The following ORC4 variants were observed in gnomAD, a reference collection of about 807,000 sequenced individuals.
ORC4 encodes origin recognition complex subunit 4.
ORC4 carries 55 observed loss-of-function variants against 63.9 expected under a neutral mutation model. That is an observed-to-expected ratio of 0.86 (90% CI 0.69 to 1.08). The LOEUF (loss-of-function observed/expected upper bound fraction) is 1.08. Ranked by LOEUF, ORC4 falls within the 50% of genes least tolerant of loss-of-function variation. ORC4 has a pLI of 0.00. For missense variants in ORC4, 511 were observed against 504.4 expected, an observed-to-expected ratio of 1.01 and a Z score of -0.13; for synonymous variants, 150 against 168.5, an observed-to-expected ratio of 0.89 and a Z score of 0.85.
chr2:147,987,776 G>C (rs1238278532), intron 1 of ORC4, among the ~76,000 whole-genome samples: 1 of 152,112 alleles, frequency 6.6e-6, no homozygotes, highest in African/African-American at 2.4e-5. Context: ...ATTGTAGGCT[G>C]GGCACAGTGG....
chr2:147,948,780 G>A, intron 8 of ORC4, among the ~76,000 whole-genome samples: 1 of 151,118 alleles, frequency 6.6e-6, no homozygotes, highest in Non-Finnish European at 1.5e-5. Context: ...AAAACCAAAG[G>A]ATAACTAATA....
chr2:147,930,578 C>T lies in ORC4; in HGVS notation c.*4932G>A, dbSNP rs1277759436. 6.6e-6 allele frequency: 1 copy of T among 152,296 alleles called. No homozygotes were observed. The highest frequency in any genetic ancestry group is 1.5e-5 in the Non-Finnish European group (1 of 67,976). The allele number at this position is 152,296 out of a possible 1,614,324, so 9.4% of individuals were successfully genotyped here. On this transcript the variant is annotated 3_prime_UTR_variant, in exon 14 of 14. Coordinates refer to ENST00000392857, the MANE Select transcript of ORC4 (RefSeq NM_181741.4). The stretch of plus-strand genomic sequence containing the variant: ...TTTTTATGCAGTCTCAACCCATATC[C>T]CATTTGTTACCTCTCAGAATATTGG...
Position 148,016,301 on chromosome 2 carries a change from A to T in ORC4, c.-18+4332T>A, listed in dbSNP as rs114418647. Among the ~76,000 whole-genome samples the T allele has an allele frequency of 7.5e-3, 1,145 of 152,302 alleles. 9 individuals are homozygous for T. Among genetic ancestry groups the T allele is most frequent in the African/African-American group, 0.026 (1,065 of 41,558 alleles). ...TTCCCAAAGCCAAACTTGCACCAAA[A>T]AAGGCCATGGTAACTGTTTGCTGGT... On this transcript the variant is annotated intron_variant, in intron 1 of 13. Transcript: ENST00000392857.
At position 147,948,176 on chromosome 2, in the gene ORC4, G is replaced by A. The variant is rs769074529; in HGVS notation, c.637C>T (p.Arg213Trp). ...EKRVKSRFSHRQIHLMNSFGF... is the reference protein window; with the variant it reads ...EKRVKSRFSHWQIHLMNSFGF... ...AATGAATTCATTAAGTGTATCTGCC[G>A]GTGAGAAAATCTTGACTTCACTCTT... The change falls in exon 9 of 14, where the codon CGG becomes TGG. Residue 213 changes from arginine (R) to tryptophan (W), a missense_variant. Physicochemically the swap from Arg to Trp is moderately radical, Grantham distance 101. Coordinates refer to ENST00000392857, the MANE Select transcript of ORC4 (RefSeq NM_181741.4). 41 of 1,608,960 alleles carry A rather than the reference G, an allele frequency of 2.5e-5. 1 individual carries two copies. The highest frequency in any genetic ancestry group is 1.7e-4 in the South Asian group (15 of 90,444).
intron 1 of ORC4, among the ~76,000 whole-genome samples, chr2:148,006,643 C>T (rs1459706170): frequency 6.6e-6 from 1 of 152,174 alleles, no homozygotes; most frequent in African/African-American, 2.4e-5. Context: ...AGCTTTTGCT[C>T]CGGGATGGCA....
At chr2:148,008,481 TGTCA>T (rs1692755326) in intron 1 of ORC4, among the ~76,000 whole-genome samples, 1 of 152,216 alleles carries the variant, frequency 6.6e-6, no homozygotes, top group Non-Finnish European at 1.5e-5. Flanking sequence ...AGAATTAGTG[TGTCA>T]GTATGTTCAA....
At chr2:148,019,667 T>C (rs1432548098) in intron 1 of ORC4, among the ~76,000 whole-genome samples, 1 of 152,246 alleles carries the variant, frequency 6.6e-6, no homozygotes, top group African/African-American at 2.4e-5. Flanking sequence ...TTTTAGATTC[T>C]TGGTTTTTAA....
At chr2:147,950,786 G>GA (rs1491035673) in intron 8 of ORC4, among the ~76,000 whole-genome samples, 1 of 142,948 alleles carries the variant, frequency 7.0e-6, no homozygotes, top group Non-Finnish European at 1.5e-5. Context: ...AAAAGAAAAA[G>GA]AAAAAAAATT....
chr2:147,950,889 T>G (rs2105293782), intron 8 of ORC4, among the ~76,000 whole-genome samples: 1 of 152,130 alleles, frequency 6.6e-6, no homozygotes, highest in East Asian at 1.9e-4. Context: ...GCATTTTATT[T>G]GGTCCGTTAT....
intron 3 of ORC4, 72 bp downstream of exon 3, chr2:147,973,376 C>T: frequency 1.1e-6 from 1 of 901,584 alleles, no homozygotes; most frequent in Non-Finnish European, 1.9e-6. Context: ...CAAATTTGTA[C>T]AATAATTTTT....
At chr2:147,964,354 T>A (rs1439828144) in intron 4 of ORC4, among the ~76,000 whole-genome samples, 1 of 152,086 alleles carries the variant, frequency 6.6e-6, no homozygotes, top group African/African-American at 2.4e-5. Flanking sequence ...ACATCAAGCA[T>A]AAGCATTTCT....
chr2:147,962,635 C>T (rs985020571), intron 4 of ORC4, among the ~76,000 whole-genome samples: 6 of 152,136 alleles, frequency 3.9e-5, no homozygotes, highest in Non-Finnish European at 5.9e-5. Flanking sequence ...CTGGCAGTCC[C>T]ACCCAGGGCA....
chr2:147,959,296 T>A (rs560465422), intron 4 of ORC4, among the ~76,000 whole-genome samples: 24 of 152,186 alleles, frequency 1.6e-4, no homozygotes, highest in Admixed American at 4.6e-4. Context: ...CATACTTTTT[T>A]AAATAACATT....
chr2:147,955,899 T>C lies in ORC4; in HGVS notation c.388-504A>G, dbSNP rs3768683. Among the ~76,000 whole-genome samples, 8 of 152,116 alleles carry C rather than the reference T, an allele frequency of 5.3e-5. 1 individual carries two copies. The East Asian group carries it at 1.5e-3, about 29-fold the overall frequency. ...AAGGCTTTTTTGAAACATTAGATAC[T>C]ATAACAGTGTTTGTCTATTCAAGAG... On this transcript the variant is annotated intron_variant, in intron 6 of 13. Transcript: ENST00000392857.
intron 7 of ORC4, among the ~76,000 whole-genome samples, chr2:147,954,616 A>G (rs1349474929): frequency 6.6e-6 from 1 of 152,180 alleles, no homozygotes; most frequent in African/African-American, 2.4e-5. Flanking sequence ...GTGGCACATG[A>G]CTGTACATAA....
At chr2:148,020,319 C>A (rs1194182983) in intron 1 of ORC4, among the ~76,000 whole-genome samples, 2 of 152,196 alleles carry the variant, frequency 1.3e-5, no homozygotes, top group Non-Finnish European at 2.9e-5. Flanking sequence ...ATTGCTGAGG[C>A]TTCACAGTTC....
intron 6 of ORC4, 34 bp from the exon 7 acceptor site, chr2:147,955,429 T>C: frequency 6.7e-7 from 1 of 1,489,228 alleles, no homozygotes; most frequent in South Asian, 1.1e-5. Flanking sequence ...TGATTAAAAG[T>C]TTAGTGAAAT....
At chr2:148,001,149 T>C (rs1235589278) in intron 1 of ORC4, among the ~76,000 whole-genome samples, 1 of 152,094 alleles carries the variant, frequency 6.6e-6, no homozygotes, top group Non-Finnish European at 1.5e-5. Flanking sequence ...CGTTGCACCA[T>C]GGTATCAATC....
At chr2:147,971,584 A>C (rs1331959889) in intron 4 of ORC4, among the ~76,000 whole-genome samples, 1 of 151,964 alleles carries the variant, frequency 6.6e-6, no homozygotes, top group East Asian at 1.9e-4. Context: ...AGAATGGTTA[A>C]AATAAAAAGT....
Sources: gnomAD v4.1 joint callset for allele counts (sites outside exome capture counted in the v4.1 genomes callset) on GRCh38, gnomAD v4.1.1 for gene constraint, MANE v1.5 for transcripts, NCBI Gene and HGNC (gene_info 2026-07-23, HGNC 2026-07-21) for gene names.